The following KRABD2 variants were observed in gnomAD, a reference collection of about 807,000 sequenced individuals.
KRABD2 encodes the protein KRAB domain containing 2, also known as KRAB domain-containing protein 2.
At chr17:8,369,412 C>T in the KRABD2 span, 46 of 1,614,106 alleles carry the variant, frequency 2.8e-5, no homozygotes, top group Admixed American at 3.5e-4. Flanking sequence ...TGCAAGGAAA[C>T]GTCGAAAGCC....
At chr17:8,372,904 TAAAAAAAAG>T in the KRABD2 span, among the ~76,000 whole-genome samples, 5 of 149,704 alleles carry the variant, frequency 3.3e-5, no homozygotes, top group Non-Finnish European at 7.4e-5. This position sits in a 1 kb window ranked among gnomAD's most constrained non-coding sequence, Gnocchi z 4.1. Flanking sequence ...TCTCTAAAAA[TAAAAAAAAG>T]AAAAAAAAGA....
At chr17:8,369,229 C>G in the KRABD2 span, 66 of 1,614,112 alleles carry the variant, frequency 4.1e-5, no homozygotes, top group Non-Finnish European at 5.0e-5. Context: ...GATCTGTCTG[C>G]TCCAATCTCA....
chr17:8,369,590 C>A, the KRABD2 span: 1 of 1,614,262 alleles, frequency 6.2e-7, no homozygotes, highest in Non-Finnish European at 8.5e-7. Flanking sequence ...GGTCTGGCCA[C>A]AACTCATTGA....
chr17:8,361,022 T>C, the KRABD2 span, among the ~76,000 whole-genome samples: 1 of 152,078 alleles, frequency 6.6e-6, no homozygotes, highest in African/African-American at 2.4e-5. Flanking sequence ...ATGCTTAGTC[T>C]CAAAAAAACC....
At chr17:8,369,163 G>T in the KRABD2 span, 1 of 1,613,960 alleles carries the variant, frequency 6.2e-7, no homozygotes. Flanking sequence ...GAAGTCCCTT[G>T]TGAGGTGCTG....
the KRABD2 span, among the ~76,000 whole-genome samples, chr17:8,372,912 A>AT: frequency 6.6e-6 from 1 of 152,216 alleles, no homozygotes; most frequent in Non-Finnish European, 1.5e-5. This position sits in a 1 kb window ranked among gnomAD's most constrained non-coding sequence, Gnocchi z 4.1. Flanking sequence ...AATAAAAAAA[A>AT]GAAAAAAAAG....
the KRABD2 span, among the ~76,000 whole-genome samples, chr17:8,362,270 T>C: frequency 6.6e-6 from 1 of 151,198 alleles, no homozygotes; most frequent in Admixed American, 6.6e-5. This position sits in a 1 kb window ranked among gnomAD's most constrained non-coding sequence, Gnocchi z 4.2. Context: ...GTGGAGCTTG[T>C]AGTGAGCCAA....
At chr17:8,367,917 C>T in the KRABD2 span, among the ~76,000 whole-genome samples, 1 of 124,992 alleles carries the variant, frequency 8.0e-6, no homozygotes, top group Non-Finnish European at 1.7e-5. Flanking sequence ...AAGAAACACC[C>T]AAGAATGATC....
At chr17:8,366,883 G>A in the KRABD2 span, among the ~76,000 whole-genome samples, 5 of 151,724 alleles carry the variant, frequency 3.3e-5, no homozygotes, top group Admixed American at 6.6e-5. Flanking sequence ...CACCGTGCCC[G>A]GCTAATACTT....
At chr17:8,359,620 G>T in the KRABD2 span, 1 of 456,032 alleles carries the variant, frequency 2.2e-6, no homozygotes, top group South Asian at 1.5e-5. Flanking sequence ...TCCAGGAAAA[G>T]CCCAGAATGA....
chr17:8,370,069 C>A, the KRABD2 span: 2 of 1,614,080 alleles, frequency 1.2e-6, no homozygotes, highest in Non-Finnish European at 1.7e-6. Context: ...CGTATTCGAT[C>A]ACGTTCTCCA....
At chr17:8,369,943 T>C in the KRABD2 span, 1 of 1,614,100 alleles carries the variant, frequency 6.2e-7, no homozygotes. Flanking sequence ...ACTTCTTTGG[T>C]GACATTCCCA....
At chr17:8,369,701 C>G in the KRABD2 span, 1 of 1,614,200 alleles carries the variant, frequency 6.2e-7, no homozygotes, top group Non-Finnish European at 8.5e-7. Context: ...CACTGACCAC[C>G]TCATGGGCCT....
At chr17:8,368,959 A>T in the KRABD2 span, 1 of 1,117,974 alleles carries the variant, frequency 8.9e-7, no homozygotes, top group Admixed American at 3.3e-5. Flanking sequence ...TTTTTATGGC[A>T]GCCCTAAGAA....
the KRABD2 span, chr17:8,371,550 CTG>C: frequency 6.4e-7 from 1 of 1,572,880 alleles, no homozygotes; most frequent in East Asian, 2.3e-5. Flanking sequence ...ATAAAGGACT[CTG>C]AAAGCGAGTC....
chr17:8,373,292 A>G, the KRABD2 span, among the ~76,000 whole-genome samples: 1 of 152,158 alleles, frequency 6.6e-6, no homozygotes, highest in East Asian at 1.9e-4. Flanking sequence ...CTCCTGCCTC[A>G]GCCTGCCGAG....
the KRABD2 span, chr17:8,371,545 G>C: frequency 1.1e-5 from 18 of 1,580,650 alleles, no homozygotes; most frequent in Admixed American, 3.0e-4. Flanking sequence ...GCAGCATAAA[G>C]GACTCTGAAA....
At chr17:8,372,102 G>T in the KRABD2 span, 1 of 985,150 alleles carries the variant, frequency 1.0e-6, no homozygotes, top group Non-Finnish European at 1.2e-6. The surrounding 1 kb of genome is among the most constrained non-coding windows in gnomAD (Gnocchi z 4.1). Context: ...GAGAAAGATG[G>T]AAACTTTTAA....
the KRABD2 span, among the ~76,000 whole-genome samples, chr17:8,374,886 C>A: frequency 2.5e-5 from 3 of 119,050 alleles, no homozygotes; most frequent in African/African-American, 9.5e-5. Flanking sequence ...TGCAGTGAGC[C>A]GAGATCGTGC....
Sources: allele counts gnomAD v4.1 joint callset (sites outside exome capture counted in the v4.1 genomes callset), GRCh38; gene constraint gnomAD v4.1.1; non-coding constraint Gnocchi (gnomAD v3.1); transcripts MANE v1.5; gene names NCBI Gene and HGNC (gene_info 2026-07-23, HGNC 2026-07-21).